Variants in ERICH6B observed in about 807,000 individuals in gnomAD.
ERICH6B encodes the protein glutamate rich 6B.
Under a neutral mutation model 80.0 loss-of-function variants are expected in ERICH6B, and 69 were observed. The observed-to-expected ratio is 0.86, with a 90% CI of 0.71 to 1.05. The LOEUF is 1.05. Ranked by LOEUF, ERICH6B falls within the 50% of genes least tolerant of loss-of-function variation. ERICH6B has a pLI of 0.00. For synonymous variants in ERICH6B, 283 were observed against 291.9 expected (o/e 0.97, Z 0.31); for missense variants, 754 against 796.1 (o/e 0.95, Z 0.64).
At chr13:45,589,779 C>CG (rs1491566621) in intron 4 of ERICH6B, among the ~76,000 whole-genome samples, 2 of 151,902 alleles carry the variant, frequency 1.3e-5, no homozygotes, top group Non-Finnish European at 2.9e-5. Flanking sequence ...TTGGGGTGAA[C>CG]GGGGGCCTTT....
chr13:45,606,540 TATATA>T (rs1949866072), intron 2 of ERICH6B, among the ~76,000 whole-genome samples: 8 of 16,490 alleles, frequency 4.9e-4, no homozygotes, highest in East Asian at 1.3e-3. Context: ...TATATATATA[TATATA>T]TATTTTTTTT....
rs1310993264 is a variant in ERICH6B, at chr13:45,544,984, A to G, written c.1648T>C (p.Leu550=). 25 of 1,550,210 alleles carry G rather than the reference A, an allele frequency of 1.6e-5. No homozygotes were observed. Among genetic ancestry groups the G allele is most frequent in the Non-Finnish European group, 2.2e-5 (25 of 1,146,816 alleles). The part of the protein sequence containing the change: ...TFYDENSDIW[L]NLSSNLGYYF... ...TAGCCCAGGTTGGAGCTCAGGTTCA[A>G]CCTGGACCAGGAGAAAGCATGTCAG... is the stretch of plus-strand genomic sequence containing the variant. The change falls in exon 14 of 15, where the codon TTG becomes CTG. Residue 550 remains leucine (L), a splice_region_variant and synonymous_variant. Coordinates refer to ENST00000298738, the MANE Select transcript of ERICH6B (RefSeq NM_182542.3).
At chr13:45,569,662 C>G (rs1875067850) in intron 8 of ERICH6B, among the ~76,000 whole-genome samples, 1 of 152,204 alleles carries the variant, frequency 6.6e-6, no homozygotes, top group Admixed American at 6.5e-5. Flanking sequence ...ACCATTAACT[C>G]ACTATCTTCC....
At chr13:45,599,793 A>G (rs939290168) in intron 2 of ERICH6B, among the ~76,000 whole-genome samples, 1 of 152,174 alleles carries the variant, frequency 6.6e-6, no homozygotes, top group Non-Finnish European at 1.5e-5. Flanking sequence ...ATGGCTTTCC[A>G]TAAGTTTTGC....
intron 8 of ERICH6B, among the ~76,000 whole-genome samples, chr13:45,573,176 C>G (rs1443974722): frequency 6.6e-6 from 1 of 151,854 alleles, no homozygotes; most frequent in Admixed American, 6.6e-5. Flanking sequence ...TTTATATGTA[C>G]ACACACACAC....
chr13:45,566,943 C>T (rs1273331045), intron 9 of ERICH6B, among the ~76,000 whole-genome samples: 1 of 152,236 alleles, frequency 6.6e-6, no homozygotes, highest in East Asian at 1.9e-4. Flanking sequence ...GGGAGGGAGG[C>T]TATACCCTGC....
At chr13:45,587,344 A>C (rs2138010310) in intron 4 of ERICH6B, 112 bp from the exon 5 acceptor site, 5 of 860,028 alleles carry the variant, frequency 5.8e-6, no homozygotes, top group Non-Finnish European at 8.9e-6. Flanking sequence ...GACCCAGATG[A>C]TGGACATCTC....
At chr13:45,577,831 G>T (rs527687140) in intron 7 of ERICH6B, among the ~76,000 whole-genome samples, 1 of 152,262 alleles carries the variant, frequency 6.6e-6, no homozygotes, top group South Asian at 2.1e-4. Flanking sequence ...GGCCTCAAGT[G>T]ATCCTCCCTT....
intron 11 of ERICH6B, among the ~76,000 whole-genome samples, chr13:45,553,816 C>A (rs993840112): frequency 6.6e-6 from 1 of 152,064 alleles, no homozygotes; most frequent in Non-Finnish European, 1.5e-5. Context: ...CTAAAAAAAG[C>A]CCTTTAAAAT....
intron 9 of ERICH6B, among the ~76,000 whole-genome samples, chr13:45,565,975 A>G (rs1218973477): frequency 2.6e-5 from 4 of 152,234 alleles, no homozygotes; most frequent in Admixed American, 6.5e-5. Flanking sequence ...GGCTTTGCCC[A>G]AAATGCTGAC....
intron 2 of ERICH6B, among the ~76,000 whole-genome samples, chr13:45,597,788 C>T (rs1032599901): frequency 2.0e-5 from 3 of 152,026 alleles, no homozygotes; most frequent in African/African-American, 7.3e-5. Context: ...TTTGTTCTTC[C>T]AACAGTATAA....
chr13:45,583,335 C>T (rs1383621670), intron 5 of ERICH6B, among the ~76,000 whole-genome samples: 2 of 151,952 alleles, frequency 1.3e-5, no homozygotes, highest in Non-Finnish European at 2.9e-5. Flanking sequence ...TGTATGATCA[C>T]TATTATTATT....
chr13:45,602,803 C>T (rs1212299438), intron 2 of ERICH6B, among the ~76,000 whole-genome samples: 1 of 152,194 alleles, frequency 6.6e-6, no homozygotes, highest in East Asian at 1.9e-4. Context: ...CCTCCATTTT[C>T]CCACCCTGCT....
chr13:45,605,053 G>A (rs564739105), intron 2 of ERICH6B, among the ~76,000 whole-genome samples: 4 of 152,078 alleles, frequency 2.6e-5, no homozygotes, highest in Admixed American at 2.6e-4. Context: ...CCTGAGACCC[G>A]GCCCCTGGAA....
At chr13:45,542,307 C>T (rs1873812230) in intron 14 of ERICH6B, among the ~76,000 whole-genome samples, 1 of 152,218 alleles carries the variant, frequency 6.6e-6, no homozygotes, top group African/African-American at 2.4e-5. Flanking sequence ...TAACCTATGT[C>T]CATATTATAG....
chr13:45,587,389 A>G (rs1875957949), intron 4 of ERICH6B, among the ~76,000 whole-genome samples, 157 bp from the exon 5 acceptor site: 1 of 152,178 alleles, frequency 6.6e-6, no homozygotes, highest in Non-Finnish European at 1.5e-5. Flanking sequence ...ATCATGAAAA[A>G]TAGGCCAGTG....
At chr13:45,580,770 G>A in intron 5 of ERICH6B, 105 bp from the exon 6 acceptor site, 3 of 1,180,058 alleles carry the variant, frequency 2.5e-6, no homozygotes, top group Non-Finnish European at 3.6e-6. Context: ...TGGCACCCAA[G>A]GCTGGTCAAC....
chr13:45,568,882 A>G (rs1193842708), intron 8 of ERICH6B, among the ~76,000 whole-genome samples: 8 of 152,350 alleles, frequency 5.3e-5, no homozygotes, highest in Admixed American at 3.3e-4. Flanking sequence ...CATGCCAAAA[A>G]ATCTTTGGAG....
rs1340488477 is a variant in ERICH6B, at chr13:45,563,805, T to C, written c.1188-17A>G. On this transcript the variant is annotated splice_polypyrimidine_tract_variant and intron_variant, in intron 9 of 14. Coordinates refer to ENST00000298738, the MANE Select transcript of ERICH6B (RefSeq NM_182542.3). ...TTCTTCAGCCTAAAAGGAAAGTGGA[T>C]CATCTTTAGAAGCCAAGACTAAGTT... 3 of 1,549,594 alleles carry C rather than the reference T, an allele frequency of 1.9e-6. No homozygotes were observed. The Admixed American group carries it at 5.9e-5, about 30-fold the overall frequency.
Sources: allele counts gnomAD v4.1 joint callset (sites outside exome capture counted in the v4.1 genomes callset), GRCh38; gene constraint gnomAD v4.1.1; transcripts MANE v1.5; gene names NCBI Gene and HGNC (gene_info 2026-07-23, HGNC 2026-07-21).